HCRTR2: variants seen among roughly 807,000 people sequenced by gnomAD.
The protein encoded by HCRTR2 is hypocretin receptor 2.
A neutral mutation model predicts 49.0 loss-of-function variants in HCRTR2; 22 were observed. The observed-to-expected ratio is 0.45, with a 90% CI of 0.32 to 0.64. The LOEUF (loss-of-function observed/expected upper bound fraction) is 0.64, where lower values mean the gene tolerates loss of function less well. Among genes scored for constraint, HCRTR2 ranks in the 30% least tolerant of loss-of-function variants. The pLI is 0.04. For missense variants in HCRTR2, 491 were observed against 559.4 expected (o/e 0.88, Z 1.23); for synonymous variants, 236 against 205.3 (o/e 1.15, Z -1.28).
intron 1 of HCRTR2, among the ~76,000 whole-genome samples, chr6:55,130,724 G>A (rs1764344206): frequency 6.6e-6 from 1 of 151,716 alleles, no homozygotes; most frequent in South Asian, 2.1e-4. Context: ...AGACTAAAAT[G>A]TTTTCTCCTA....
intron 1 of HCRTR2, chr6:55,106,653 T>A (rs1763969876): frequency 6.6e-6 from 1 of 152,108 alleles, no homozygotes; most frequent in Non-Finnish European, 1.5e-5. Flanking sequence ...TAAGGAATAT[T>A]CTGATTTATT....
intron 1 of HCRTR2, among the ~76,000 whole-genome samples, chr6:55,232,336 G>A (rs550488577): frequency 6.6e-6 from 1 of 152,230 alleles, no homozygotes; most frequent in African/African-American, 2.4e-5. Flanking sequence ...AAATCTATGG[G>A]ATGTAAATTT....
intron 1 of HCRTR2, among the ~76,000 whole-genome samples, chr6:55,238,880 A>G (rs1463414665): frequency 6.6e-6 from 1 of 152,204 alleles, no homozygotes; most frequent in East Asian, 1.9e-4. Context: ...AGTTCATTGC[A>G]GGTAGTAAGA....
chr6:55,263,685 G>T (rs201997554), intron 3 of HCRTR2, 22 bp from the exon 4 acceptor site: 7 of 1,305,306 alleles, frequency 5.4e-6, no homozygotes, highest in Non-Finnish European at 7.8e-6. Context: ...GTAAGGTTTT[G>T]TTGTTTTGAC....
At chr6:55,109,248 T>A (rs1055509775) in intron 1 of HCRTR2, among the ~76,000 whole-genome samples, 3 of 152,192 alleles carry the variant, frequency 2.0e-5, no homozygotes, top group Non-Finnish European at 4.4e-5. Flanking sequence ...ATCTTTTCTC[T>A]GTCATAATCT....
At chr6:55,280,654 A>G (rs1018798024) in intron 6 of HCRTR2, 5 of 170,560 alleles carry the variant, frequency 2.9e-5, no homozygotes, top group East Asian at 1.9e-4. Context: ...TGTCAAACGT[A>G]TAAGAAATGT....
At position 55,239,817 on chromosome 6, in the gene HCRTR2, G is replaced by A. The variant is rs1444667990; in HGVS notation, c.224-8822G>A. On this transcript the variant is annotated intron_variant, in intron 1 of 6. Coordinates refer to ENST00000370862, the MANE Select transcript of HCRTR2 (RefSeq NM_001384272.1). ...TTTTGAGACGGAGTCTCACTCTGTC[G>A]CCCAGGCTGGAGCACAGTGGCACGA... Among the ~76,000 whole-genome samples the A allele has an allele frequency of 3.1e-5, 4 of 130,788 alleles. No homozygotes were observed. In the East Asian group the frequency reaches 6.6e-4, roughly 22 times the overall value. The allele number at this position is 130,788 out of a possible 152,430, so 85.8% of individuals were successfully genotyped here. A position where few individuals can be genotyped will look rare whatever the true frequency, so the allele number is the denominator to read the frequency against.
chr6:55,283,087 C>T (rs1009871424), downstream of HCRTR2, among the ~76,000 whole-genome samples: 1 of 152,172 alleles, frequency 6.6e-6, no homozygotes, highest in African/African-American at 2.4e-5. Context: ...GCCAGTAAGA[C>T]TCTATCACAG....
chr6:55,192,419 A>G (rs1248080861), intron 1 of HCRTR2, among the ~76,000 whole-genome samples: 8 of 141,114 alleles, frequency 5.7e-5, no homozygotes, highest in South Asian at 2.3e-4. Flanking sequence ...GCGCGCACAC[A>G]CACACACACA....
Position 55,282,267 on chromosome 6 carries a change from G to A in HCRTR2, c.1148G>A (p.Cys383Tyr). 1 of 1,613,836 alleles carries A rather than the reference G, an allele frequency of 6.2e-7. No individual in the cohort carries two copies. Reference protein sequence around the residue: ...EEFKAAFSCCCLGVHHRQEDR... With the variant: ...EEFKAAFSCCYLGVHHRQEDR... Reference sequence around the variant, plus strand: ...TTTAAAGCTGCGTTTTCTTGCTGTTGCCTTGGAGTTCACCATCGCCAGGAG... The same window carrying A: ...TTTAAAGCTGCGTTTTCTTGCTGTTACCTTGGAGTTCACCATCGCCAGGAG... The change falls in exon 7 of 7, where the codon TGC becomes TAC. Residue 383 changes from cysteine to tyrosine, a missense_variant. By Grantham distance (194) the Cys-to-Tyr change is radical. Transcript: ENST00000370862.
At chr6:55,218,115 C>T (rs1302359086) in intron 1 of HCRTR2, among the ~76,000 whole-genome samples, 1 of 152,172 alleles carries the variant, frequency 6.6e-6, no homozygotes, top group Non-Finnish European at 1.5e-5. Flanking sequence ...CAGACCCACT[C>T]TTGACGACTA....
chr6:55,166,367 T>A (rs1764877435), intron 1 of HCRTR2, among the ~76,000 whole-genome samples: 1 of 150,326 alleles, frequency 6.7e-6, no homozygotes, highest in African/African-American at 2.4e-5. Flanking sequence ...TCCAAAAGAC[T>A]TCTTCTTTAG....
chr6:55,174,922 C>T (rs1489281315), intron 1 of HCRTR2, 112 bp downstream of exon 1: 2 of 787,744 alleles, frequency 2.5e-6, no homozygotes, highest in African/African-American at 3.4e-5. Context: ...AAAGAGGTCG[C>T]TGCTCTCGGA....
intron 1 of HCRTR2, among the ~76,000 whole-genome samples, chr6:55,213,928 A>C (rs1765740712): frequency 6.6e-6 from 1 of 151,972 alleles, no homozygotes; most frequent in Non-Finnish European, 1.5e-5. Flanking sequence ...CTGGGGAGAG[A>C]AAGAGTCAAA....
At chr6:55,252,144 A>G (rs2127314805) in intron 2 of HCRTR2, among the ~76,000 whole-genome samples, 1 of 152,236 alleles carries the variant, frequency 6.6e-6, no homozygotes, top group South Asian at 2.1e-4. Context: ...AATGAATATT[A>G]GCTCACTGAT....
chr6:55,136,129 A>C lies in HCRTR2; in HGVS notation c.-378+29584A>C, dbSNP rs548602267. On this transcript the variant is annotated intron_variant, in intron 1 of 7. Coordinates refer to the HCRTR2 transcript ENST00000615358. Reference sequence around the variant, plus strand: ...TTCCAGAATAGTAGAAATTGATCTCATACTCTCTTAACACAAAATTTACTT... The same window carrying C: ...TTCCAGAATAGTAGAAATTGATCTCCTACTCTCTTAACACAAAATTTACTT... Among the ~76,000 whole-genome samples the C allele has an allele frequency of 3.9e-5, 6 of 152,346 alleles. No homozygotes were observed. The East Asian group carries it at 1.2e-3, about 29-fold the overall frequency.
rs1488024853 is a variant in HCRTR2, at chr6:55,255,268, G to T, written c.535G>T (p.Val179Phe). 3 of 1,613,896 alleles carry T rather than the reference G, an allele frequency of 1.9e-6. No individual in the cohort carries two copies. The highest frequency in any genetic ancestry group is 2.2e-5 in the South Asian group (2 of 91,084). Residue 179 changes from valine (V) to phenylalanine (F), a missense_variant, in exon 3 of 7, where the codon GTC becomes TTC. Val to Phe is a conservative substitution (Grantham distance 50). Coordinates refer to ENST00000370862, the MANE Select transcript of HCRTR2 (RefSeq NM_001384272.1). ...ARNSIVIIWI[V>F]SCIIMIPQAI... The stretch of plus-strand genomic sequence containing the variant: ...TAACAGCATTGTCATCATCTGGATT[G>T]TCTCCTGCATTATAATGATTCCTCA...
At chr6:55,113,051 G>A (rs1010324763) in intron 1 of HCRTR2, among the ~76,000 whole-genome samples, 2 of 151,980 alleles carry the variant, frequency 1.3e-5, no homozygotes, top group African/African-American at 2.4e-5. Flanking sequence ...TTCAAGGAAT[G>A]GTGCTAGGAT....
chr6:55,226,903 A>T (rs543369361), intron 1 of HCRTR2, among the ~76,000 whole-genome samples: 24 of 152,032 alleles, frequency 1.6e-4, no homozygotes, highest in Admixed American at 1.2e-3. Context: ...TCTTTACATT[A>T]TCAAAGAATT....
Sources: gnomAD v4.1 joint callset for allele counts (sites outside exome capture counted in the v4.1 genomes callset) on GRCh38, gnomAD v4.1.1 for gene constraint, MANE v1.5 for transcripts, NCBI Gene and HGNC (gene_info 2026-07-23, HGNC 2026-07-21) for gene names.